The following TRPM3 variants were observed in gnomAD, a reference collection of about 807,000 sequenced individuals.
The protein encoded by TRPM3 is long transient receptor potential channel 3.
Under a neutral mutation model 181.2 loss-of-function variants are expected in TRPM3, and 77 were observed. The observed-to-expected ratio is 0.42, with a 90% CI of 0.35 to 0.51. The LOEUF is 0.51. Among genes scored for constraint, TRPM3 ranks in the 20% least tolerant of loss-of-function variants. The pLI is 0.01. For missense variants in TRPM3, 1,759 were observed against 2,196.7 expected (o/e 0.80, Z 3.98); for synonymous variants, 745 against 796.4 (o/e 0.94, Z 1.09).
intron 1 of TRPM3, among the ~76,000 whole-genome samples, chr9:70,975,964 C>T (rs1178008660): frequency 6.6e-6 from 1 of 152,176 alleles, no homozygotes; most frequent in East Asian, 1.9e-4. Flanking sequence ...GGATACGGCA[C>T]ATTTTAATTC....
Position 70,536,735 on chromosome 9 carries a change from G to A in TRPM3, c.4378C>T (p.Leu1460Phe). ...CTTGGAGGTCTGTCTGTGGGTGCAAGTGTTGCATAGGCACTACTTGAAGGG... is the reference window on the plus strand; with the variant it reads ...CTTGGAGGTCTGTCTGTGGGTGCAAATGTTGCATAGGCACTACTTGAAGGG... ...TAPSSSAYAT[L>F]APTDRPPSRS... Residue 1460 changes from leucine (L) to phenylalanine (F), a missense_variant, in exon 26 of 26, where the codon CTT becomes TTT. Around this residue, in one of 8 missense-constraint regions of TRPM3, gnomAD observed 612 missense variants for 590.0 expected, o/e 1.04. Transcript: ENST00000677713. 2.5e-6 allele frequency: 4 copies of A among 1,614,226 alleles called. No homozygotes were observed. The highest frequency in any genetic ancestry group is 3.4e-6 in the Non-Finnish European group (4 of 1,180,050).
intron 1 of TRPM3, among the ~76,000 whole-genome samples, chr9:70,922,687 C>T (rs1447203899): frequency 6.6e-6 from 1 of 152,114 alleles, no homozygotes; most frequent in African/African-American, 2.4e-5. Context: ...AACCTTCATA[C>T]ACTGATACTC....
At chr9:70,583,343 G>A (rs944295594) in intron 22 of TRPM3, among the ~76,000 whole-genome samples, 5 of 152,228 alleles carry the variant, frequency 3.3e-5, no homozygotes, top group African/African-American at 1.2e-4. Flanking sequence ...AGGCTACATG[G>A]TGTTTCTGGA....
intron 1 of TRPM3, among the ~76,000 whole-genome samples, chr9:70,956,168 T>C (rs1408427896): frequency 6.6e-6 from 1 of 152,142 alleles, no homozygotes; most frequent in African/African-American, 2.4e-5. Context: ...ATTGGGCATG[T>C]TGGGCGTAAC....
At chr9:70,950,396 T>C (rs1288403237) in intron 1 of TRPM3, among the ~76,000 whole-genome samples, 1 of 152,162 alleles carries the variant, frequency 6.6e-6, no homozygotes, top group Non-Finnish European at 1.5e-5. Context: ...TAAACATAGA[T>C]AGGAAAACCT....
chr9:71,159,737 T>C (rs1433109822), intron 1 of TRPM3, among the ~76,000 whole-genome samples: 3 of 152,154 alleles, frequency 2.0e-5, no homozygotes, highest in African/African-American at 7.2e-5. Context: ...TATTGCTTCC[T>C]TACTATTTGA....
chr9:71,112,863 G>A (rs994865852), intron 1 of TRPM3, among the ~76,000 whole-genome samples: 2 of 152,106 alleles, frequency 1.3e-5, no homozygotes, highest in African/African-American at 2.4e-5. Flanking sequence ...ACTTACCTGC[G>A]TTGAGCATTA....
At chr9:71,189,901 AAC>A (rs2134989551) in intron 1 of TRPM3, among the ~76,000 whole-genome samples, 1 of 152,014 alleles carries the variant, frequency 6.6e-6, no homozygotes, top group South Asian at 2.1e-4. Flanking sequence ...TTTACATATC[AAC>A]AGTCATATAT....
At chr9:71,416,091 T>C (rs796880724) in intron 1 of TRPM3, among the ~76,000 whole-genome samples, 7 of 151,768 alleles carry the variant, frequency 4.6e-5, no homozygotes, top group African/African-American at 1.7e-4. Context: ...TTTAATAGCA[T>C]TGTATTTCAC....
At chr9:71,273,167 A>G (rs953746289) in intron 1 of TRPM3, among the ~76,000 whole-genome samples, 1 of 152,122 alleles carries the variant, frequency 6.6e-6, no homozygotes, top group Non-Finnish European at 1.5e-5. Context: ...CCAGCCTATT[A>G]AAGCATTTTT....
intron 1 of TRPM3, among the ~76,000 whole-genome samples, chr9:70,916,405 A>T (rs1027263767): frequency 1.3e-5 from 2 of 152,238 alleles, no homozygotes; most frequent in Admixed American, 6.5e-5. Context: ...CTAAATGATG[A>T]ATCAATCAAA....
At chr9:71,194,810 A>G (rs1337561476) in intron 1 of TRPM3, among the ~76,000 whole-genome samples, 1 of 151,992 alleles carries the variant, frequency 6.6e-6, no homozygotes, top group Non-Finnish European at 1.5e-5. Flanking sequence ...AAAAAGAAAA[A>G]AAAAAGAAAA....
At chr9:70,834,723 G>T (rs940042211) in intron 5 of TRPM3, among the ~76,000 whole-genome samples, 6 of 152,154 alleles carry the variant, frequency 3.9e-5, no homozygotes, top group African/African-American at 1.4e-4. Flanking sequence ...CTTGGAGGAG[G>T]ATACTGCAGC....
intron 9 of TRPM3, among the ~76,000 whole-genome samples, chr9:70,661,360 T>C (rs1380521731): frequency 6.6e-6 from 1 of 152,048 alleles, no homozygotes; most frequent in African/African-American, 2.4e-5. Flanking sequence ...TTGAAAGCAT[T>C]CTCCCTGAGA....
intron 8 of TRPM3, among the ~76,000 whole-genome samples, chr9:70,746,544 G>A (rs4744611): frequency 0.65 from 99,118 of 151,960 alleles, 32,452 homozygotes; most frequent in Middle Eastern, 0.68. Flanking sequence ...AGGGAAAGTC[G>A]TCAGCTCTGT....
At chr9:70,812,924 C>A (rs78100088) in intron 6 of TRPM3, among the ~76,000 whole-genome samples, 1 of 152,126 alleles carries the variant, frequency 6.6e-6, no homozygotes, top group East Asian at 1.9e-4. Flanking sequence ...TCTTAATTAC[C>A]TTTCAGGACA....
intron 1 of TRPM3, among the ~76,000 whole-genome samples, chr9:71,155,046 G>A (rs948807339): frequency 3.9e-5 from 6 of 152,158 alleles, no homozygotes; most frequent in South Asian, 4.2e-4. Flanking sequence ...TTCAGAAACC[G>A]TTTTATCCTC....
At chr9:70,548,052 T>A (rs2045495271) in intron 25 of TRPM3, among the ~76,000 whole-genome samples, 1 of 152,244 alleles carries the variant, frequency 6.6e-6, no homozygotes, top group Non-Finnish European at 1.5e-5. Context: ...CCTCCAGGTC[T>A]ATGGCTTTTC....
Position 70,536,931 on chromosome 9 carries a change from G to A in TRPM3, c.4182C>T (p.Ala1394=). 1 of 1,614,198 alleles carries A rather than the reference G, an allele frequency of 6.2e-7. No homozygotes were observed. Among genetic ancestry groups the A allele is most frequent in the Non-Finnish European group, 8.5e-7 (1 of 1,180,026 alleles). ...GAACAATGGCCAAGGTGTTGGCAGG[G>A]GCTGCAGGAGCTTTGGGTTCTTTTG... The part of the protein sequence containing the change: ...SVAKEPKAPA[A]PANTLAIVPD... The change falls in exon 26 of 26, where the codon GCC becomes GCT. Residue 1394 remains alanine (A), a synonymous_variant. Coordinates refer to ENST00000677713, the MANE Select transcript of TRPM3 (RefSeq NM_001366145.2).
Sources: gnomAD v4.1 joint callset for allele counts (sites outside exome capture counted in the v4.1 genomes callset) on GRCh38, gnomAD v4.1.1 for gene constraint, gnomAD v4.1.1 regional missense constraint, MANE v1.5 for transcripts, NCBI Gene and HGNC (gene_info 2026-07-23, HGNC 2026-07-21) for gene names.